GABRA1: variants seen among roughly 807,000 people sequenced by gnomAD.
The protein encoded by GABRA1 is gamma-aminobutyric acid type A receptor subunit alpha1.
Under a neutral mutation model 48.9 loss-of-function variants are expected in GABRA1, and 9 were observed. The ratio of observed to expected loss-of-function variants is 0.18; its 90% CI spans 0.11 to 0.32. The LOEUF is 0.32. Among genes scored for constraint, GABRA1 ranks in the 10% least tolerant of loss-of-function variants. The pLI, the probability that GABRA1 is intolerant of heterozygous loss-of-function variation, is 1.00. For missense variants in GABRA1, 285 were observed against 553.8 expected, an observed-to-expected ratio of 0.51 and a Z score of 4.87; for synonymous variants, 210 against 198.7, an observed-to-expected ratio of 1.06 and a Z score of -0.48.
rs1755539613 is a variant in GABRA1 at position 161,899,907 on chromosome 5, A to T, written c.*2485A>T. On this transcript the variant is annotated 3_prime_UTR_variant, in exon 10 of 10. Transcript: ENST00000393943. ...TAGCAAAAGCTCTTAATTTTATGTC[A>T]TACTGTATTCTACTGAATAATAAAG... 6.6e-6 allele frequency: 1 copy of T among 152,218 alleles called. No individual in the cohort carries two copies. The highest frequency in any genetic ancestry group is 1.9e-4 in the East Asian group (1 of 5,196). 9.4% of individuals were successfully genotyped at this position (152,218 alleles called of 1,614,324 possible). A position where few individuals can be genotyped will look rare whatever the true frequency, so the allele number is the denominator to read the frequency against.
intron 4 of GABRA1, among the ~76,000 whole-genome samples, chr5:161,868,944 A>G (rs1211078677): frequency 1.3e-5 from 2 of 152,174 alleles, no homozygotes; most frequent in Non-Finnish European, 2.9e-5. Context: ...AATATTCCCT[A>G]TTGCCTAAAA....
At chr5:161,893,924 A>G (rs1453512799) in intron 8 of GABRA1, among the ~76,000 whole-genome samples, 1 of 152,194 alleles carries the variant, frequency 6.6e-6, no homozygotes, top group African/African-American at 2.4e-5. Flanking sequence ...GTATTTTCCT[A>G]TGGCACAAAT....
At chr5:161,890,526 T>C (rs901072172) in intron 7 of GABRA1, among the ~76,000 whole-genome samples, 1 of 152,086 alleles carries the variant, frequency 6.6e-6, no homozygotes, top group Non-Finnish European at 1.5e-5. Flanking sequence ...ACTGGAGATC[T>C]GATCTGTTTC....
intron 7 of GABRA1, among the ~76,000 whole-genome samples, chr5:161,885,854 A>T (rs922265213): frequency 2.6e-5 from 4 of 152,176 alleles, no homozygotes; most frequent in Non-Finnish European, 4.4e-5. Context: ...TTTATTATTC[A>T]TTCATTTATC....
upstream of GABRA1, chr5:161,847,838 C>A (rs150167006): frequency 7.9e-5 from 12 of 152,164 alleles, no homozygotes; most frequent in African/African-American, 2.9e-4. Context: ...ACCTTAAAAT[C>A]GGGTGTTCAT....
chr5:161,883,020 A>T, intron 7 of GABRA1, among the ~76,000 whole-genome samples: 1 of 152,170 alleles, frequency 6.6e-6, no homozygotes, highest in East Asian at 1.9e-4. Flanking sequence ...CAACCTTGTC[A>T]GTTGTTTGTA....
chr5:161,858,085 T>C (rs1428938369), intron 3 of GABRA1, among the ~76,000 whole-genome samples: 2 of 150,874 alleles, frequency 1.3e-5, no homozygotes, highest in Non-Finnish European at 3.0e-5. Context: ...ACAGAGGAAA[T>C]GAAAAATGAG....
chr5:161,873,119 A>G lies in GABRA1; in HGVS notation c.258A>G (p.Glu86=), dbSNP rs1754195946. 1 of 1,604,334 alleles carries G rather than the reference A, an allele frequency of 6.2e-7. No homozygotes were observed. Among genetic ancestry groups the G allele is most frequent in the Non-Finnish European group, 8.5e-7 (1 of 1,171,100 alleles). The change falls in exon 5 of 10, where the codon GAA becomes GAG. Residue 86 remains glutamate, a splice_region_variant and synonymous_variant. Transcript: ENST00000393943. ...SFGPVSDHDM[E]YTIDVFFRQS... is the part of the protein sequence containing the mutation. ...CGTCATTTTCCAAAATTACCTAGGA[A>G]TATACAATAGATGTATTTTTCCGTC...
At chr5:161,866,785 G>C (rs1331832872) in intron 4 of GABRA1, among the ~76,000 whole-genome samples, 3 of 151,936 alleles carry the variant, frequency 2.0e-5, no homozygotes, top group Admixed American at 2.0e-4. Flanking sequence ...AGTGAACGTT[G>C]GGAAATTCTG....
intron 5 of GABRA1, among the ~76,000 whole-genome samples, chr5:161,875,109 T>C (rs190711609): frequency 1.5e-3 from 234 of 152,256 alleles, no homozygotes; most frequent in Admixed American, 3.3e-3. Context: ...TCTATGCATT[T>C]GGTGCTATTT....
intron 8 of GABRA1, among the ~76,000 whole-genome samples, chr5:161,892,237 G>A (rs1328772929): frequency 6.6e-6 from 1 of 152,124 alleles, no homozygotes; most frequent in Non-Finnish European, 1.5e-5. Flanking sequence ...ATATCAACTA[G>A]GCACCTGCTG....
At chr5:161,879,401 C>T (rs577934526) in intron 6 of GABRA1, among the ~76,000 whole-genome samples, 162 of 152,292 alleles carry the variant, frequency 1.1e-3, no homozygotes, top group African/African-American at 3.8e-3. Flanking sequence ...AATAAGCCAC[C>T]GTGCCCAGCC....
At chr5:161,864,861 A>T (rs1444460878) in intron 3 of GABRA1, among the ~76,000 whole-genome samples, 2 of 151,700 alleles carry the variant, frequency 1.3e-5, no homozygotes, top group Non-Finnish European at 2.9e-5. Flanking sequence ...AAAATAAAAA[A>T]GTAAATGAAC....
intron 3 of GABRA1, among the ~76,000 whole-genome samples, chr5:161,864,397 T>C (rs1308960105): frequency 2.0e-5 from 3 of 152,000 alleles, no homozygotes; most frequent in African/African-American, 4.8e-5. Flanking sequence ...TTCAAAATTA[T>C]TTTTTTAGCT....
At chr5:161,895,214 A>G (rs1208781897) in intron 8 of GABRA1, among the ~76,000 whole-genome samples, 2 of 152,158 alleles carry the variant, frequency 1.3e-5, no homozygotes, top group African/African-American at 4.8e-5. Context: ...AAATTATCAA[A>G]AAGTCATTCA....
chr5:161,886,888 A>C lies in GABRA1; in HGVS notation c.704-4010A>C, dbSNP rs1216491056. Among the ~76,000 whole-genome samples, 4 of 152,176 alleles carry C rather than the reference A, an allele frequency of 2.6e-5. No homozygotes were observed. The East Asian group carries it at 7.7e-4, about 29-fold the overall frequency. ...TACTTGATGTGTCAAGGGTGGCATA[A>C]CCCCTTGTCTCTTCCCACCCTCACC... On this transcript the variant is annotated intron_variant, in intron 7 of 9. Transcript: ENST00000393943.
At position 161,869,859 on chromosome 5, in the gene GABRA1, T is replaced by A. The variant is rs1004124161; in HGVS notation, c.256-3258T>A. Among the ~76,000 whole-genome samples the A allele has an allele frequency of 7.9e-5, 12 of 152,276 alleles. No homozygotes were observed. The South Asian group carries it at 1.2e-3, about 16-fold the overall frequency. Reference sequence around the variant, plus strand: ...CCAACCTCTCTTCCACGGAGTCCCCTCTTCTGCATTTTGTTTTTAGTTAAC... The same window carrying A: ...CCAACCTCTCTTCCACGGAGTCCCCACTTCTGCATTTTGTTTTTAGTTAAC... On this transcript the variant is annotated intron_variant, in intron 4 of 9. Transcript: ENST00000393943.
chr5:161,874,467 C>A (rs568351715), intron 5 of GABRA1, among the ~76,000 whole-genome samples: 1 of 152,012 alleles, frequency 6.6e-6, no homozygotes, highest in East Asian at 1.9e-4. Flanking sequence ...AAACACCATA[C>A]ACTTGGCTTT....
chr5:161,891,597 C>T (rs1408033267), intron 8 of GABRA1, among the ~76,000 whole-genome samples: 1 of 152,132 alleles, frequency 6.6e-6, no homozygotes. Flanking sequence ...CTACATGCTT[C>T]AAGTTAAGAA....
Sources: allele counts gnomAD v4.1 joint callset (sites outside exome capture counted in the v4.1 genomes callset), GRCh38; gene constraint gnomAD v4.1.1; transcripts MANE v1.5; gene names NCBI Gene and HGNC (gene_info 2026-07-23, HGNC 2026-07-21).